The following LRFN2 variants were observed in gnomAD, a reference collection of about 807,000 sequenced individuals.
LRFN2 encodes leucine-rich repeat and fibronectin type-III domain-containing protein 2.
LRFN2 carries 18 observed loss-of-function variants against 37.3 expected under a neutral mutation model. The ratio of observed to expected loss-of-function variants is 0.48; its 90% CI spans 0.33 to 0.72. The LOEUF (loss-of-function observed/expected upper bound fraction) is 0.72. Among genes scored for constraint, LRFN2 ranks in the 30% least tolerant of loss-of-function variants. The pLI, the probability that LRFN2 is intolerant of heterozygous loss-of-function variation, is 0.02. For missense variants in LRFN2, 1,006 were observed against 1,060.7 expected (o/e 0.95, Z 0.72); for synonymous variants, 556 against 466.6 (o/e 1.19, Z -2.47).
intron 1 of LRFN2, among the ~76,000 whole-genome samples, chr6:40,499,724 C>T (rs921920598): frequency 2.6e-5 from 4 of 152,082 alleles, no homozygotes; most frequent in African/African-American, 9.7e-5. Flanking sequence ...ACCCACTCCC[C>T]CTTAGAGTGT....
chr6:40,505,014 T>C (rs1414210647), intron 1 of LRFN2, among the ~76,000 whole-genome samples: 2 of 152,344 alleles, frequency 1.3e-5, no homozygotes, highest in Non-Finnish European at 2.9e-5. Flanking sequence ...TGTGATGTGA[T>C]GATGGCAGAG....
At chr6:40,405,649 G>A (rs1202399978) in intron 2 of LRFN2, among the ~76,000 whole-genome samples, 6 of 152,256 alleles carry the variant, frequency 3.9e-5, no homozygotes, top group South Asian at 2.1e-4. Flanking sequence ...TAGGAGACTC[G>A]GGCAGTGCCT....
intron 1 of LRFN2, among the ~76,000 whole-genome samples, chr6:40,531,872 C>G (rs1380202492): frequency 1.3e-5 from 2 of 152,276 alleles, no homozygotes; most frequent in African/African-American, 4.8e-5. Context: ...CTGACACAAC[C>G]CATCAGTGCC....
chr6:40,426,382 T>A (rs185903365), intron 2 of LRFN2, among the ~76,000 whole-genome samples: 1 of 152,362 alleles, frequency 6.6e-6, no homozygotes, highest in East Asian at 1.9e-4. Flanking sequence ...TTTAATCTGC[T>A]GTTGGGCAGC....
intron 2 of LRFN2, among the ~76,000 whole-genome samples, chr6:40,419,446 T>C (rs748782821): frequency 2.0e-5 from 3 of 152,108 alleles, no homozygotes; most frequent in African/African-American, 4.8e-5. Flanking sequence ...ACAGAGAAGA[T>C]TGAAATCAGA....
rs7762834 is a variant in LRFN2 at position 40,573,362 on chromosome 6, G to A, written c.-19+13579C>T. Among the ~76,000 whole-genome samples, 579 of 152,344 alleles carry A rather than the reference G, an allele frequency of 3.8e-3. 1 individual carries two copies. The highest frequency in any genetic ancestry group is 0.013 in the African/African-American group (543 of 41,584). On this transcript the variant is annotated intron_variant, in intron 1 of 2. Coordinates refer to ENST00000338305, the MANE Select transcript of LRFN2 (RefSeq NM_020737.3). ...GGGCCAGATGGCCTGGGTGCCAGTC[G>A]CAACCCGGCCACTTCTTAGCTAGGT...
In LRFN2 at chr6:40,450,934, G is replaced by A. The variant is rs140014515; in HGVS notation, c.-18-17803C>T. Among the ~76,000 whole-genome samples the A allele has an allele frequency of 9.2e-5, 14 of 152,338 alleles. No individual in the cohort carries two copies. In the East Asian group the frequency reaches 2.3e-3, roughly 25 times the overall value. On this transcript the variant is annotated intron_variant, in intron 1 of 2. Transcript: ENST00000338305. ...TTTCAGAAGCTTTGTCATGAGACCT[G>A]AAGGAGGGACAATATTTAGACATGC...
intron 1 of LRFN2, among the ~76,000 whole-genome samples, chr6:40,442,294 C>T (rs1047542511): frequency 3.3e-5 from 5 of 152,200 alleles, no homozygotes; most frequent in African/African-American, 4.8e-5. Flanking sequence ...GATTTACTCT[C>T]CTCATTATGG....
intron 1 of LRFN2, among the ~76,000 whole-genome samples, chr6:40,523,594 C>A (rs1401185933): frequency 1.3e-5 from 2 of 148,628 alleles, no homozygotes; most frequent in African/African-American, 2.5e-5. Context: ...ACGAATAATA[C>A]CTTTGATCCA....
intron 1 of LRFN2, among the ~76,000 whole-genome samples, chr6:40,445,036 C>T (rs1235813020): frequency 1.3e-5 from 2 of 152,080 alleles, no homozygotes; most frequent in African/African-American, 4.8e-5. Context: ...CTTTACTCAG[C>T]AGCAATGATT....
At chr6:40,540,429 C>T (rs907728779) in intron 1 of LRFN2, among the ~76,000 whole-genome samples, 1 of 152,158 alleles carries the variant, frequency 6.6e-6, no homozygotes, top group African/African-American at 2.4e-5. Context: ...AGGCCCCAAG[C>T]ATCAGACCTT....
intron 1 of LRFN2, among the ~76,000 whole-genome samples, chr6:40,508,143 C>A (rs76199144): frequency 0.012 from 1,847 of 152,314 alleles, 26 homozygotes; most frequent in African/African-American, 0.029. Flanking sequence ...GCCCTCACCT[C>A]CACCTAAACT....
intron 2 of LRFN2, among the ~76,000 whole-genome samples, chr6:40,424,761 G>A (rs935823254): frequency 1.3e-5 from 2 of 152,074 alleles, no homozygotes; most frequent in Non-Finnish European, 2.9e-5. Flanking sequence ...GGAAACAGCC[G>A]AGTCAAAGAA....
At chr6:40,545,485 C>T (rs1766643323) in intron 1 of LRFN2, among the ~76,000 whole-genome samples, 1 of 152,202 alleles carries the variant, frequency 6.6e-6, no homozygotes, top group African/African-American at 2.4e-5. Context: ...TCCCCTCTCT[C>T]TCATGTTTAA....
chr6:40,444,316 G>T (rs1232305115), intron 1 of LRFN2, among the ~76,000 whole-genome samples: 1 of 152,156 alleles, frequency 6.6e-6, no homozygotes, highest in Non-Finnish European at 1.5e-5. Context: ...ACAGACGAGA[G>T]AAATTAATCC....
chr6:40,399,629 G>T (rs1442602177), intron 2 of LRFN2, among the ~76,000 whole-genome samples: 1 of 150,818 alleles, frequency 6.6e-6, no homozygotes, highest in African/African-American at 2.4e-5. Flanking sequence ...GTAGAGGCGG[G>T]GTTTCACCAT....
chr6:40,499,388 A>AT (rs34232819), intron 1 of LRFN2, among the ~76,000 whole-genome samples: 6,099 of 147,508 alleles, frequency 0.041, 215 homozygotes, highest in African/African-American at 0.091. Context: ...CCTTCCAGAC[A>AT]TTTTTTTTTT....
chr6:40,395,697 C>T (rs920668818), intron 2 of LRFN2, among the ~76,000 whole-genome samples: 1 of 152,166 alleles, frequency 6.6e-6, no homozygotes, highest in African/African-American at 2.4e-5. Flanking sequence ...TTAGGCCTAC[C>T]GCAACTCCCC....
At chr6:40,465,923 T>C (rs1764451281) in intron 1 of LRFN2, among the ~76,000 whole-genome samples, 1 of 151,902 alleles carries the variant, frequency 6.6e-6, no homozygotes, top group African/African-American at 2.4e-5. Context: ...AAGAAAAGGT[T>C]GTGGGGGTGG....
Sources: allele counts gnomAD v4.1 joint callset (sites outside exome capture counted in the v4.1 genomes callset), GRCh38; gene constraint gnomAD v4.1.1; transcripts MANE v1.5; gene names NCBI Gene and HGNC (gene_info 2026-07-23, HGNC 2026-07-21).